The following PDE1A variants were observed in gnomAD, a reference collection of about 807,000 sequenced individuals.
The protein encoded by PDE1A is dual specificity calcium/calmodulin-dependent 3',5'-cyclic nucleotide phosphodiesterase 1A.
In PDE1A, 35 loss-of-function variants were observed where a neutral mutation model predicts 61.7. The ratio of observed to expected loss-of-function variants is 0.57; its 90% CI spans 0.43 to 0.75. PDE1A has a LOEUF of 0.75. Among genes scored for constraint, PDE1A ranks in the 30% least tolerant of loss-of-function variants. The probability of loss-of-function intolerance (pLI) is 0.00; values close to 1 mark genes in which losing one functional copy is unlikely to be tolerated. For missense variants in PDE1A, 597 were observed against 630.6 expected (o/e 0.95, Z 0.57); for synonymous variants, 232 against 213.2 (o/e 1.09, Z -0.77).
chr2:182,328,991 T>G (rs1697226909), intron 1 of PDE1A, among the ~76,000 whole-genome samples: 1 of 152,166 alleles, frequency 6.6e-6, no homozygotes, highest in African/African-American at 2.4e-5. Flanking sequence ...AACATGGGCT[T>G]TTCTCTAGGG....
At chr2:182,186,526 C>T in exon 12 of PDE1A, 2 of 1,612,848 alleles carry the variant, frequency 1.2e-6, no homozygotes, top group Non-Finnish European at 1.7e-6. Context: ...AGAGGAATAA[C>T]AATTTTCTCT....
upstream of PDE1A, among the ~76,000 whole-genome samples, chr2:182,429,327 T>C (rs142096006): frequency 9.3e-3 from 1,409 of 152,260 alleles, 18 homozygotes; most frequent in African/African-American, 0.032. Context: ...GATTTCATGA[T>C]TATTAATTAA....
At chr2:182,157,872 C>A (rs1691182307) in intron 13 of PDE1A, among the ~76,000 whole-genome samples, 1 of 152,194 alleles carries the variant, frequency 6.6e-6, no homozygotes, top group African/African-American at 2.4e-5. Context: ...GCCACCAAAT[C>A]TTTAAGAGGC....
chr2:182,600,164 T>TA, the PDE1A span, among the ~76,000 whole-genome samples: 76 of 152,318 alleles, frequency 5.0e-4, 1 homozygote, highest in Middle Eastern at 6.8e-3. Context: ...AGCTGATTAT[T>TA]AAAAAAATAA....
chr2:182,400,161 G>T (rs1479634912), intron 1 of PDE1A, among the ~76,000 whole-genome samples: 1 of 151,826 alleles, frequency 6.6e-6, no homozygotes, highest in African/African-American at 2.4e-5. Flanking sequence ...TAAATTCTTT[G>T]CCAATATCAC....
intron 13 of PDE1A, among the ~76,000 whole-genome samples, chr2:182,169,783 A>T (rs999845260): frequency 6.6e-6 from 1 of 151,906 alleles, no homozygotes; most frequent in African/African-American, 2.4e-5. Flanking sequence ...CCTCTTGGGA[A>T]AACATTTTAT....
the PDE1A span, among the ~76,000 whole-genome samples, chr2:182,559,072 G>C: frequency 6.6e-6 from 1 of 152,170 alleles, no homozygotes; most frequent in Non-Finnish European, 1.5e-5. Context: ...CAACCAAAGA[G>C]AGCTTTTCAA....
chr2:182,631,984 C>T, the PDE1A span, among the ~76,000 whole-genome samples: 1 of 152,144 alleles, frequency 6.6e-6, no homozygotes, highest in Non-Finnish European at 1.5e-5. Context: ...TACACTGATA[C>T]TAAATTATAG....
At chr2:182,448,448 G>T (rs1024553848) in intron 2 of PDE1A, among the ~76,000 whole-genome samples, 1 of 151,762 alleles carries the variant, frequency 6.6e-6, no homozygotes, top group Non-Finnish European at 1.5e-5. Flanking sequence ...CACATATCCC[G>T]AAACTCCAAA....
chr2:182,449,124 T>C (rs1201863070), intron 2 of PDE1A, among the ~76,000 whole-genome samples: 3 of 150,698 alleles, frequency 2.0e-5, no homozygotes, highest in Admixed American at 6.6e-5. Flanking sequence ...CTTCTTAGGA[T>C]AGTCTTGTCA....
intron 10 of PDE1A, among the ~76,000 whole-genome samples, chr2:182,196,131 G>A (rs1373387636): frequency 6.6e-6 from 1 of 151,976 alleles, no homozygotes; most frequent in African/African-American, 2.4e-5. Context: ...TTGCTTGAAA[G>A]ACATATTTGT....
the PDE1A span, among the ~76,000 whole-genome samples, chr2:182,626,756 TATATAC>T: frequency 0.064 from 683 of 10,646 alleles, 127 homozygotes; most frequent in Middle Eastern, 0.17. Flanking sequence ...TACATATATA[TATATAC>T]ATATATATAC....
At chr2:182,255,919 G>A (rs1003516753) in intron 2 of PDE1A, among the ~76,000 whole-genome samples, 11 of 151,322 alleles carry the variant, frequency 7.3e-5, no homozygotes, top group Non-Finnish European at 1.3e-4. Flanking sequence ...TGATCCACCC[G>A]CCTCGGCCTC....
At chr2:182,542,369 A>C in the PDE1A span, among the ~76,000 whole-genome samples, 1 of 152,152 alleles carries the variant, frequency 6.6e-6, no homozygotes, top group Non-Finnish European at 1.5e-5. Flanking sequence ...ATTAGAGACA[A>C]GGCCCAGATT....
At chr2:182,525,699 A>G (rs1256140458), upstream of PDE1A, among the ~76,000 whole-genome samples, 1 of 151,956 alleles carries the variant, frequency 6.6e-6, no homozygotes, top group African/African-American at 2.4e-5. Context: ...TCTTTTCTTT[A>G]TAAGTTACCC....
chr2:182,567,974 G>A, the PDE1A span, among the ~76,000 whole-genome samples: 1 of 151,694 alleles, frequency 6.6e-6, no homozygotes, highest in Non-Finnish European at 1.5e-5. Context: ...TGTATTTTTA[G>A]TAGAGACAGT....
chr2:182,220,250 A>AG (rs1250153983), intron 7 of PDE1A, among the ~76,000 whole-genome samples: 1 of 152,028 alleles, frequency 6.6e-6, no homozygotes, highest in Admixed American at 6.6e-5. Flanking sequence ...CTCATTGAAG[A>AG]GATAATTGAA....
intron 1 of PDE1A, among the ~76,000 whole-genome samples, chr2:182,387,547 C>T (rs1055761112): frequency 6.6e-6 from 1 of 152,006 alleles, no homozygotes; most frequent in African/African-American, 2.4e-5. Flanking sequence ...GTCCTTAGGT[C>T]AGGAGTTTGA....
At chr2:182,611,124 A>G in the PDE1A span, among the ~76,000 whole-genome samples, 2 of 152,168 alleles carry the variant, frequency 1.3e-5, no homozygotes, top group African/African-American at 4.8e-5. Context: ...TTTCTTCTCT[A>G]TCTCCCTGAA....
Sources: allele counts gnomAD v4.1 joint callset (sites outside exome capture counted in the v4.1 genomes callset), GRCh38; gene constraint gnomAD v4.1.1; transcripts MANE v1.5; gene names NCBI Gene and HGNC (gene_info 2026-07-23, HGNC 2026-07-21).